Variants in ASIC2 observed in about 807,000 individuals in gnomAD.
ASIC2 encodes acid sensing ion channel subunit 2.
A neutral mutation model predicts 57.3 loss-of-function variants in ASIC2; 25 were observed. The observed-to-expected ratio is 0.44, with a 90% confidence interval of 0.32 to 0.61. ASIC2 has a LOEUF of 0.61. ASIC2 is among the 20% of genes least tolerant of loss of function. The pLI is 0.06. For missense variants in ASIC2, 641 were observed against 738.1 expected, an observed-to-expected ratio of 0.87 and a Z score of 1.52; for synonymous variants, 319 against 307.5, an observed-to-expected ratio of 1.04 and a Z score of -0.39.
intron 1 of ASIC2, among the ~76,000 whole-genome samples, chr17:33,754,324 A>G (rs2951671): frequency 0.74 from 112,530 of 151,746 alleles, 42,312 homozygotes; most frequent in African/African-American, 0.86. Flanking sequence ...TAGAGGGGTT[A>G]TGCATATTCA....
intron 1 of ASIC2, among the ~76,000 whole-genome samples, chr17:34,088,810 G>A (rs1042483698): frequency 1.4e-4 from 22 of 152,330 alleles, no homozygotes; most frequent in Admixed American, 1.0e-3. Context: ...AGCAATCAGC[G>A]AGACTCCGTG....
At chr17:34,065,297 G>C (rs1258245606) in intron 1 of ASIC2, among the ~76,000 whole-genome samples, 2 of 152,166 alleles carry the variant, frequency 1.3e-5, no homozygotes, top group African/African-American at 4.8e-5. Context: ...CACATCGTAT[G>C]TTCTCACTGA....
At chr17:33,599,454 G>A (rs139523843) in intron 1 of ASIC2, among the ~76,000 whole-genome samples, 4 of 152,296 alleles carry the variant, frequency 2.6e-5, no homozygotes, top group East Asian at 1.9e-4. Context: ...CCAGAATAAC[G>A]GGAGGTCACC....
chr17:33,478,080 G>A (rs1244853194), intron 1 of ASIC2, among the ~76,000 whole-genome samples: 1 of 152,146 alleles, frequency 6.6e-6, no homozygotes, highest in Non-Finnish European at 1.5e-5. Context: ...GACCCAAGGG[G>A]AACAAGGTAG....
chr17:33,302,074 A>G lies in ASIC2; in HGVS notation c.556-190007T>C, dbSNP rs144897600. Among the ~76,000 whole-genome samples, 63 of 152,346 alleles carry G rather than the reference A, an allele frequency of 4.1e-4. No homozygotes were observed. In the East Asian group the frequency reaches 0.011, roughly 28 times the overall value. ...TACTTTCTAAGTTCGGGCCACCTTCATAATTAATGTCTCCTTCCCTCAGCA... is the reference window on the plus strand; with the variant it reads ...TACTTTCTAAGTTCGGGCCACCTTCGTAATTAATGTCTCCTTCCCTCAGCA... On this transcript the variant is annotated intron_variant, in intron 1 of 9. Transcript: ENST00000359872.
intron 1 of ASIC2, among the ~76,000 whole-genome samples, chr17:34,112,556 G>T (rs1911308260): frequency 6.6e-6 from 1 of 151,782 alleles, no homozygotes; most frequent in South Asian, 2.1e-4. Flanking sequence ...CTCACTCTTT[G>T]ACCACATAAT....
At chr17:33,592,655 G>T (rs893195466) in intron 1 of ASIC2, among the ~76,000 whole-genome samples, 8 of 152,242 alleles carry the variant, frequency 5.3e-5, no homozygotes, top group African/African-American at 1.7e-4. Flanking sequence ...GATGGGTGTA[G>T]ATAGGACTGG....
At chr17:33,153,246 G>A (rs1904873068) in intron 1 of ASIC2, among the ~76,000 whole-genome samples, 1 of 152,220 alleles carries the variant, frequency 6.6e-6, no homozygotes, top group Non-Finnish European at 1.5e-5. Flanking sequence ...TCTCCCCGAT[G>A]CTCTGCCAGC....
intron 1 of ASIC2, among the ~76,000 whole-genome samples, chr17:33,774,017 C>T (rs1911194603): frequency 6.6e-6 from 1 of 152,040 alleles, no homozygotes; most frequent in African/African-American, 2.4e-5. Context: ...GCATTATCTT[C>T]ATATCACAGT....
intron 1 of ASIC2, among the ~76,000 whole-genome samples, chr17:33,418,024 ATGTATGTGTGTGTGTGTGTGTGTGTGTG>A (rs1910916108): frequency 9.1e-6 from 1 of 110,248 alleles, no homozygotes; most frequent in Non-Finnish European, 2.2e-5. Flanking sequence ...CTCAGCATGT[ATGTATGTGTGTGTGTGTGTGTGTGTGTG>A]TGTGTGTGTG....
At chr17:33,316,266 A>G (rs756507403) in intron 1 of ASIC2, among the ~76,000 whole-genome samples, 5 of 152,192 alleles carry the variant, frequency 3.3e-5, no homozygotes, top group Non-Finnish European at 7.3e-5. Flanking sequence ...TTTGCTGAAC[A>G]CGCTACAGTG....
intron 1 of ASIC2, among the ~76,000 whole-genome samples, chr17:33,429,298 A>G (rs1178699670): frequency 6.6e-6 from 1 of 152,212 alleles, no homozygotes; most frequent in Non-Finnish European, 1.5e-5. Context: ...GAGATAAGAT[A>G]AGACTATGAT....
intron 1 of ASIC2, among the ~76,000 whole-genome samples, chr17:33,898,976 C>A (rs559967471): frequency 3.9e-5 from 6 of 152,242 alleles, no homozygotes; most frequent in Non-Finnish European, 7.4e-5. Context: ...ATGGCTGTTG[C>A]CCGCTTGCCA....
At chr17:33,513,293 C>A (rs1437882419) in intron 1 of ASIC2, among the ~76,000 whole-genome samples, 1 of 152,190 alleles carries the variant, frequency 6.6e-6, no homozygotes, top group African/African-American at 2.4e-5. Context: ...AGGTTGACTA[C>A]TTAGTGCAAT....
chr17:34,147,752 A>G (rs893214786), intron 1 of ASIC2, among the ~76,000 whole-genome samples: 3 of 152,202 alleles, frequency 2.0e-5, no homozygotes, highest in Non-Finnish European at 4.4e-5. Context: ...ACTCAGCTCC[A>G]TCAAACATAA....
intron 1 of ASIC2, among the ~76,000 whole-genome samples, chr17:33,347,951 A>T (rs1349881752): frequency 6.6e-6 from 1 of 152,134 alleles, no homozygotes; most frequent in African/African-American, 2.4e-5. Context: ...AAAATACAAA[A>T]GTTAGCCAGG....
intron 1 of ASIC2, among the ~76,000 whole-genome samples, chr17:33,510,952 T>C (rs1427970135): frequency 1.3e-5 from 2 of 152,234 alleles, no homozygotes; most frequent in African/African-American, 4.8e-5. Flanking sequence ...CCGTAGAGTC[T>C]GTTGTCTGCA....
At chr17:34,066,294 T>C (rs1598003527) in intron 1 of ASIC2, among the ~76,000 whole-genome samples, 1 of 152,222 alleles carries the variant, frequency 6.6e-6, no homozygotes, top group South Asian at 2.1e-4. Flanking sequence ...GTTCATCTCT[T>C]TGTGATCTCT....
At chr17:34,108,697 A>G (rs1911155334) in intron 1 of ASIC2, among the ~76,000 whole-genome samples, 1 of 152,110 alleles carries the variant, frequency 6.6e-6, no homozygotes, top group South Asian at 2.1e-4. Flanking sequence ...TTCTTTGTGT[A>G]ACTGTTTTAT....
Sources: allele counts gnomAD v4.1 joint callset (sites outside exome capture counted in the v4.1 genomes callset), GRCh38; gene constraint gnomAD v4.1.1; transcripts MANE v1.5; gene names NCBI Gene and HGNC (gene_info 2026-07-23, HGNC 2026-07-21).